INTS6: variants seen among roughly 807,000 people sequenced by gnomAD.
INTS6 encodes DEAD box protein.
A neutral mutation model predicts 104.9 loss-of-function variants in INTS6; 16 were observed. The ratio of observed to expected loss-of-function variants is 0.15; its 90% CI spans 0.10 to 0.23. The LOEUF (loss-of-function observed/expected upper bound fraction) is 0.23. Among genes scored for constraint, INTS6 ranks in the 10% least tolerant of loss-of-function variants. INTS6 has a pLI of 1.00. For synonymous variants in INTS6, 324 were observed against 358.7 expected (o/e 0.90, Z 1.09); for missense variants, 584 against 1,062.8 (o/e 0.55, Z 6.26).
intron 3 of INTS6, chr13:51,444,760 A>AG (rs1952872254): frequency 6.6e-6 from 1 of 151,214 alleles, no homozygotes; most frequent in East Asian, 1.9e-4. Flanking sequence ...AAAAAAAAAA[A>AG]GAATGCAATA....
chr13:51,438,071 T>TA (rs1055826494), intron 3 of INTS6: 1 of 152,138 alleles, frequency 6.6e-6, no homozygotes, highest in African/African-American at 2.4e-5. Context: ...CCCTGGTTCG[T>TA]AAAAAATGTG....
intron 4 of INTS6, among the ~76,000 whole-genome samples, chr13:51,397,698 T>G (rs189278342): frequency 6.6e-6 from 1 of 152,286 alleles, no homozygotes; most frequent in Admixed American, 6.5e-5. Flanking sequence ...CACAAAAATG[T>G]CAAAGCACCA....
At chr13:51,348,631 AC>A in the INTS6 span, 1 of 389,970 alleles carries the variant, frequency 2.6e-6, no homozygotes. Context: ...AAATGAACTA[AC>A]TTCCCAGAGT....
At chr13:51,342,697 A>G in the INTS6 span, among the ~76,000 whole-genome samples, 2 of 152,148 alleles carry the variant, frequency 1.3e-5, no homozygotes, top group Non-Finnish European at 2.9e-5. Flanking sequence ...TGGAGAGGAG[A>G]GTTCTGTGAC....
intron 4 of INTS6, among the ~76,000 whole-genome samples, chr13:51,413,913 A>T (rs1956734952): frequency 6.6e-6 from 1 of 152,188 alleles, no homozygotes; most frequent in South Asian, 2.1e-4. Flanking sequence ...TTAATTTCTG[A>T]TAACTGCCCG....
intron 5 of INTS6, among the ~76,000 whole-genome samples, chr13:51,391,746 A>C (rs1956249151): frequency 6.6e-6 from 1 of 152,230 alleles, no homozygotes; most frequent in Non-Finnish European, 1.5e-5. Context: ...TCAAATAGAG[A>C]AGAAGCAAAT....
At chr13:51,447,499 C>T (rs1952942082) in intron 3 of INTS6, 1 of 151,880 alleles carries the variant, frequency 6.6e-6, no homozygotes, top group Non-Finnish European at 1.5e-5. Flanking sequence ...AAACATTCAC[C>T]ATAGAAAATC....
At position 51,389,478 on chromosome 13, in the gene INTS6, AGAATATAG is replaced by A. The variant is rs1367474546; in HGVS notation, c.614-42_614-35del. On this transcript the variant is annotated intron_variant, in intron 5 of 17. Coordinates refer to ENST00000311234, the MANE Select transcript of INTS6 (RefSeq NM_012141.3). ...AAAAAAAAGAAGAAGAAGAAGAAGAAGAATATAGTAAACTAGTTAGTTGCAAGAATTCC... is the reference window on the plus strand; with the variant it reads ...AAAAAAAAGAAGAAGAAGAAGAAGAATAAACTAGTTAGTTGCAAGAATTCC... 2.6e-6 allele frequency: 4 copies of A among 1,561,052 alleles called. No homozygotes were observed. The African/African-American group carries it at 4.2e-5, about 16-fold the overall frequency.
At chr13:51,442,560 G>A (rs907741349) in intron 3 of INTS6, 1 of 152,218 alleles carries the variant, frequency 6.6e-6, no homozygotes, top group Admixed American at 6.5e-5. Context: ...CCCCTAGATC[G>A]GGGTCCCCAA....
intron 4 of INTS6, among the ~76,000 whole-genome samples, chr13:51,404,103 C>CACACAGAGAG (rs1491389220): frequency 1.5e-3 from 157 of 103,960 alleles, no homozygotes; most frequent in African/African-American, 5.5e-3. Context: ...CACACACACA[C>CACACAGAGAG]AGAGAGAGAG....
At chr13:51,430,407 C>G (rs760582641) in intron 3 of INTS6, 24 bp from the exon 4 acceptor site, 7 of 1,574,646 alleles carry the variant, frequency 4.4e-6, no homozygotes, top group Non-Finnish European at 2.6e-6. Context: ...ACACATTGAT[C>G]ATACAAAGAT....
rs755603714 is a variant in INTS6, at chr13:51,363,978, G to A, written c.*1774C>T. ...TTTCCTAGATACTCTTGTTAAGTAT[G>A]AATTTTTATCTGAATGACTTCTAAT... On this transcript the variant is annotated 3_prime_UTR_variant, in exon 18 of 18. Transcript: ENST00000311234. 3.8e-6 allele frequency: 1 copy of A among 262,538 alleles called. No individual in the cohort carries two copies. The highest frequency in any genetic ancestry group is 7.0e-6 in the Non-Finnish European group (1 of 142,100). The allele number at this position is 262,538 out of a possible 1,614,324, so 16.3% of individuals were successfully genotyped here. A position where few individuals can be genotyped will look rare whatever the true frequency, so the allele number is the denominator to read the frequency against.
intron 15 of INTS6, among the ~76,000 whole-genome samples, chr13:51,373,114 T>C (rs1318235813): frequency 1.3e-5 from 2 of 152,092 alleles, no homozygotes; most frequent in East Asian, 3.8e-4. Context: ...ACAATCTGGA[T>C]TTTACTAACG....
chr13:51,346,814 G>A, the INTS6 span, among the ~76,000 whole-genome samples: 1 of 152,182 alleles, frequency 6.6e-6, no homozygotes, highest in Non-Finnish European at 1.5e-5. Flanking sequence ...CTGGTGCCTT[G>A]GGTCCCTGAC....
rs577703754 is a variant in INTS6 at position 51,367,772 on chromosome 13, T to C, written c.2570+33A>G. 3.6e-4 allele frequency: 448 copies of C among 1,228,640 alleles called. 4 individuals are homozygous for C. The South Asian group carries it at 5.6e-3, about 15-fold the overall frequency. 76.1% of individuals were successfully genotyped at this position (1,228,640 alleles called of 1,614,324 possible). A position where few individuals can be genotyped will look rare whatever the true frequency, so the allele number is the denominator to read the frequency against. On this transcript the variant is annotated intron_variant, in intron 17 of 17. Transcript: ENST00000311234. ...CTATATAAACTGTGGACTCATTTCA[T>C]CACCATTTCATTATATGCAATAGTT...
intron 10 of INTS6, among the ~76,000 whole-genome samples, chr13:51,381,023 C>T (rs951753365): frequency 3.9e-5 from 6 of 152,150 alleles, no homozygotes; most frequent in African/African-American, 7.2e-5. Context: ...AAAAATGGAT[C>T]GTTGCATCTG....
the INTS6 span, among the ~76,000 whole-genome samples, chr13:51,345,812 T>C: frequency 2.0e-5 from 3 of 152,234 alleles, no homozygotes; most frequent in African/African-American, 7.2e-5. Context: ...TGCCAGGGCG[T>C]AAGGCCAGAG....
At chr13:51,395,548 T>C in intron 4 of INTS6, 65 bp from the exon 5 acceptor site, 1 of 1,391,944 alleles carries the variant, frequency 7.2e-7, no homozygotes, top group Non-Finnish European at 9.7e-7. Context: ...AAGCCTACTT[T>C]AATTACACTT....
At chr13:51,341,123 T>C in the INTS6 span, 2 of 1,614,012 alleles carry the variant, frequency 1.2e-6, no homozygotes, top group Non-Finnish European at 8.5e-7. Flanking sequence ...CTCTTCCTCT[T>C]TCACTCTTGC....
Sources: gnomAD v4.1 joint callset for allele counts (sites outside exome capture counted in the v4.1 genomes callset) on GRCh38, gnomAD v4.1.1 for gene constraint, MANE v1.5 for transcripts, NCBI Gene and HGNC (gene_info 2026-07-23, HGNC 2026-07-21) for gene names.